The following BRD10 variants were observed in gnomAD, a reference collection of about 807,000 sequenced individuals.
The protein encoded by BRD10 is bromodomain containing 10, also known as uncharacterized bromodomain-containing protein 10.
the BRD10 span, chr9:5,923,192 T>C: frequency 1.2e-6 from 2 of 1,614,036 alleles, no homozygotes; most frequent in Non-Finnish European, 1.7e-6. Flanking sequence ...ATCAGTTTGT[T>C]TGGACTGTCG....
chr9:5,940,232 G>A, the BRD10 span, among the ~76,000 whole-genome samples: 1 of 152,086 alleles, frequency 6.6e-6, no homozygotes, highest in African/African-American at 2.4e-5. Context: ...GGAGTGCACT[G>A]GTACAATCTT....
chr9:5,981,752 C>T, the BRD10 span, among the ~76,000 whole-genome samples: 1 of 152,124 alleles, frequency 6.6e-6, no homozygotes, highest in Non-Finnish European at 1.5e-5. Flanking sequence ...ACGTCCATCT[C>T]TTCTGGAAAA....
the BRD10 span, among the ~76,000 whole-genome samples, chr9:5,928,217 T>C: frequency 1.3e-5 from 2 of 152,160 alleles, no homozygotes. Context: ...ACTTTCAAGG[T>C]ATATCCAGAA....
the BRD10 span, among the ~76,000 whole-genome samples, chr9:5,892,236 T>C: frequency 1.3e-5 from 2 of 152,152 alleles, no homozygotes; most frequent in Admixed American, 1.3e-4. Flanking sequence ...TGAACTTAAT[T>C]TTCAGTTAGT....
the BRD10 span, among the ~76,000 whole-genome samples, chr9:5,948,239 G>C: frequency 6.6e-6 from 1 of 152,070 alleles, no homozygotes; most frequent in Non-Finnish European, 1.5e-5. Context: ...AACTAACAGA[G>C]GTAAAGTGAC....
At chr9:5,915,869 G>C in the BRD10 span, among the ~76,000 whole-genome samples, 3 of 152,154 alleles carry the variant, frequency 2.0e-5, no homozygotes, top group East Asian at 5.8e-4. Context: ...TAGATGCCTT[G>C]AATTTGTTTG....
the BRD10 span, among the ~76,000 whole-genome samples, chr9:5,912,875 G>T: frequency 6.6e-6 from 1 of 152,196 alleles, no homozygotes; most frequent in Non-Finnish European, 1.5e-5. Context: ...GGTCTCCTCT[G>T]GCTGCAATAA....
chr9:5,889,040 G>C, the BRD10 span, among the ~76,000 whole-genome samples: 1 of 152,188 alleles, frequency 6.6e-6, no homozygotes, highest in East Asian at 1.9e-4. Flanking sequence ...CATGGTCACT[G>C]TTTGGTGGTC....
At chr9:5,900,972 T>C in the BRD10 span, among the ~76,000 whole-genome samples, 2 of 152,318 alleles carry the variant, frequency 1.3e-5, no homozygotes, top group African/African-American at 4.8e-5. Context: ...TGGAATACTT[T>C]GGGGTTCTTG....
the BRD10 span, chr9:5,921,026 C>T: frequency 6.2e-7 from 1 of 1,613,882 alleles, no homozygotes; most frequent in South Asian, 1.1e-5. Context: ...TAAATTTGCT[C>T]CGGTAACTGA....
At chr9:6,000,357 T>C in the BRD10 span, among the ~76,000 whole-genome samples, 2 of 152,134 alleles carry the variant, frequency 1.3e-5, no homozygotes. Flanking sequence ...TTCATATTAT[T>C]ATACAAGTTC....
chr9:6,008,278 T>C, the BRD10 span: 1 of 982,234 alleles, frequency 1.0e-6, no homozygotes, highest in Non-Finnish European at 1.2e-6. Context: ...CGCCCCCCTC[T>C]ACCTGCGGGG....
the BRD10 span, among the ~76,000 whole-genome samples, chr9:5,893,567 T>C: frequency 0.93 from 141,734 of 152,206 alleles, 66,367 homozygotes; most frequent in Non-Finnish European, 0.99. Flanking sequence ...CGGCGGTATC[T>C]TCTCAGAAAA....
At chr9:5,940,238 A>G in the BRD10 span, among the ~76,000 whole-genome samples, 3 of 152,114 alleles carry the variant, frequency 2.0e-5, no homozygotes, top group Non-Finnish European at 4.4e-5. Flanking sequence ...CACTGGTACA[A>G]TCTTGAGCAC....
At chr9:5,966,340 TAATAAAC>T in the BRD10 span, among the ~76,000 whole-genome samples, 1 of 152,024 alleles carries the variant, frequency 6.6e-6, no homozygotes, top group African/African-American at 2.4e-5. Context: ...AACAGAAGTG[TAATAAAC>T]AATAAAGGGT....
the BRD10 span, among the ~76,000 whole-genome samples, chr9:5,891,604 C>T: frequency 6.6e-6 from 1 of 152,064 alleles, no homozygotes; most frequent in African/African-American, 2.4e-5. Flanking sequence ...GAAAAATACA[C>T]AATAATAAGG....
chr9:6,007,431 C>T, the BRD10 span: 6 of 1,606,288 alleles, frequency 3.7e-6, no homozygotes, highest in African/African-American at 5.4e-5. Context: ...CCCCGCTGCG[C>T]GGCCCTTCCG....
At chr9:5,885,381 CTTTTT>C in the BRD10 span, among the ~76,000 whole-genome samples, 3 of 147,666 alleles carry the variant, frequency 2.0e-5, no homozygotes, top group Non-Finnish European at 4.5e-5. Flanking sequence ...TATGTTATCT[CTTTTT>C]TTTTTTTCAG....
chr9:5,920,174 T>C, the BRD10 span: 1 of 1,613,898 alleles, frequency 6.2e-7, no homozygotes, highest in Admixed American at 1.7e-5. Flanking sequence ...TGTGATCTTC[T>C]GGGCAGAGTT....
Sources: allele counts gnomAD v4.1 joint callset (sites outside exome capture counted in the v4.1 genomes callset), GRCh38; gene constraint gnomAD v4.1.1; transcripts MANE v1.5; gene names NCBI Gene and HGNC (gene_info 2026-07-23, HGNC 2026-07-21).